Variants in FBXW7 observed in about 807,000 individuals in gnomAD.
FBXW7 encodes the protein F-box/WD repeat-containing protein 7.
A neutral mutation model predicts 86.3 loss-of-function variants in FBXW7; 11 were observed. That is an observed-to-expected ratio of 0.13 (90% CI 0.08 to 0.21). FBXW7 has a LOEUF of 0.21. Among genes scored for constraint, FBXW7 ranks in the 10% least tolerant of loss-of-function variants. FBXW7 has a pLI of 1.00. For synonymous variants in FBXW7, 313 were observed against 297.9 expected, an observed-to-expected ratio of 1.05 and a Z score of -0.52; for missense variants, 488 against 847.4, an observed-to-expected ratio of 0.58 and a Z score of 5.27.
chr4:152,458,138 G>C (rs1250818833), intron 2 of FBXW7, among the ~76,000 whole-genome samples: 2 of 152,070 alleles, frequency 1.3e-5, no homozygotes, highest in South Asian at 2.1e-4. Flanking sequence ...TCCTGCCTCA[G>C]CCTCCCAAGT....
chr4:152,456,161 A>G (rs1271399724), intron 2 of FBXW7, among the ~76,000 whole-genome samples: 18 of 152,116 alleles, frequency 1.2e-4, no homozygotes. Flanking sequence ...GTAATTATCC[A>G]AAGGACTAGT....
intron 2 of FBXW7, among the ~76,000 whole-genome samples, chr4:152,428,886 C>G (rs1033329997): frequency 6.6e-6 from 1 of 152,168 alleles, no homozygotes; most frequent in African/African-American, 2.4e-5. Context: ...TTGTACTTAA[C>G]AGATTCACAC....
chr4:152,328,429 GA>G, intron 10 of FBXW7, 40 bp from the exon 11 acceptor site: 1 of 1,316,948 alleles, frequency 7.6e-7, no homozygotes, highest in East Asian at 2.8e-5. Flanking sequence ...GGGTAGAAAG[GA>G]AAAGTGATTT....
At chr4:152,467,290 G>A (rs572014561) in intron 2 of FBXW7, among the ~76,000 whole-genome samples, 6 of 152,152 alleles carry the variant, frequency 3.9e-5, no homozygotes, top group Admixed American at 1.3e-4. Context: ...CTTTTCCCCC[G>A]ATTCACTCTG....
At chr4:152,376,183 G>A (rs971928555) in intron 4 of FBXW7, among the ~76,000 whole-genome samples, 1 of 151,916 alleles carries the variant, frequency 6.6e-6, no homozygotes, top group African/African-American at 2.4e-5. Context: ...GTTTTATAAA[G>A]AGAAGTAAAA....
At chr4:152,415,114 G>A (rs978628821) in intron 2 of FBXW7, among the ~76,000 whole-genome samples, 2 of 152,018 alleles carry the variant, frequency 1.3e-5, no homozygotes, top group Non-Finnish European at 2.9e-5. Context: ...AATAAAAGTG[G>A]GCATAGATAC....
At chr4:152,521,572 G>A (rs745920281) in intron 2 of FBXW7, among the ~76,000 whole-genome samples, 6 of 152,130 alleles carry the variant, frequency 3.9e-5, no homozygotes, top group Non-Finnish European at 7.4e-5. Flanking sequence ...ACACAACCCT[G>A]TAAATAGCAG....
chr4:152,442,996 C>T (rs1168258349), intron 2 of FBXW7, among the ~76,000 whole-genome samples: 1 of 152,176 alleles, frequency 6.6e-6, no homozygotes. Context: ...GGCGCGGTGG[C>T]TCATGCCTGT....
chr4:152,506,797 GAA>G (rs1257147882), intron 2 of FBXW7, among the ~76,000 whole-genome samples: 7 of 152,208 alleles, frequency 4.6e-5, no homozygotes, highest in Non-Finnish European at 8.8e-5. Context: ...TGGATCCTGA[GAA>G]GTCTGCATTT....
At chr4:152,353,249 G>A (rs1249103860) in intron 4 of FBXW7, among the ~76,000 whole-genome samples, 1 of 152,080 alleles carries the variant, frequency 6.6e-6, no homozygotes, top group East Asian at 1.9e-4. Flanking sequence ...CAAGTAGCTT[G>A]GATGGTACAA....
At chr4:152,474,957 C>G (rs1744264632) in intron 2 of FBXW7, among the ~76,000 whole-genome samples, 1 of 152,072 alleles carries the variant, frequency 6.6e-6, no homozygotes, top group Admixed American at 6.5e-5. Flanking sequence ...AGCCACCACG[C>G]CCGGCATGGT....
intron 2 of FBXW7, among the ~76,000 whole-genome samples, chr4:152,471,755 C>G (rs1394379693): frequency 6.6e-6 from 1 of 151,648 alleles, no homozygotes; most frequent in Non-Finnish European, 1.5e-5. Flanking sequence ...TAAAAATTAC[C>G]CAGGTGTGGT....
chr4:152,332,180 A>G (rs535464495), intron 8 of FBXW7, among the ~76,000 whole-genome samples: 3 of 152,302 alleles, frequency 2.0e-5, no homozygotes, highest in African/African-American at 7.2e-5. Context: ...TTTCAAGAAC[A>G]TAAGCTCCAT....
intron 2 of FBXW7, among the ~76,000 whole-genome samples, chr4:152,485,499 G>T (rs1430357596): frequency 2.6e-5 from 3 of 117,330 alleles, no homozygotes; most frequent in Admixed American, 2.5e-4. Flanking sequence ...TGGTAAACTG[G>T]ATCTTCATTA....
intron 2 of FBXW7, among the ~76,000 whole-genome samples, chr4:152,464,646 T>C (rs1345519562): frequency 6.6e-6 from 1 of 151,966 alleles, no homozygotes; most frequent in Non-Finnish European, 1.5e-5. Flanking sequence ...AGGCAGCACA[T>C]GAAGAGGAAA....
chr4:152,449,519 T>C (rs1705814033), intron 2 of FBXW7, among the ~76,000 whole-genome samples: 1 of 152,132 alleles, frequency 6.6e-6, no homozygotes, highest in African/African-American at 2.4e-5. Flanking sequence ...CCAAGGAGGC[T>C]CCTGCTATCA....
chr4:152,485,514 A>AGAC (rs1745260344), intron 2 of FBXW7, among the ~76,000 whole-genome samples: 2 of 152,102 alleles, frequency 1.3e-5, no homozygotes, highest in South Asian at 4.2e-4. Context: ...TCATTATGGA[A>AGAC]GAGGAATATG....
intron 2 of FBXW7, among the ~76,000 whole-genome samples, chr4:152,532,368 A>AC (rs2149751148): frequency 1.3e-5 from 2 of 152,370 alleles, no homozygotes; most frequent in East Asian, 3.8e-4. Flanking sequence ...ATCCAGGCAT[A>AC]CAGCTTTTAC....
At position 152,411,483 on chromosome 4, in the gene FBXW7, T is replaced by C. The variant is rs113515222; in HGVS notation, c.321A>G (p.Glu107=). The change falls in exon 4 of 14, where the codon GAA becomes GAG. Residue 107 remains glutamate (E), a synonymous_variant. Transcript: ENST00000281708. ...EQEEDEEHAG[E]QDEEDEEEEE... is the part of the protein sequence containing the mutation. ...CCTCCTCCTCATCCTCCTCATCTTG[T>C]TCACCAGCATGTTCTTCATCTTCCT... The C allele has an allele frequency of 3.7e-6, 6 of 1,613,496 alleles. No homozygotes were observed. The highest frequency in any genetic ancestry group is 5.1e-6 in the Non-Finnish European group (6 of 1,179,790).
Sources: gnomAD v4.1 joint callset for allele counts (sites outside exome capture counted in the v4.1 genomes callset) on GRCh38, gnomAD v4.1.1 for gene constraint, MANE v1.5 for transcripts, NCBI Gene and HGNC (gene_info 2026-07-23, HGNC 2026-07-21) for gene names.